The following DAPL1 variants were observed in gnomAD, a reference collection of about 807,000 sequenced individuals.
The protein encoded by DAPL1 is death associated protein like 1.
DAPL1 carries 17 observed loss-of-function variants against 12.9 expected under a neutral mutation model. The observed-to-expected ratio is 1.32, with a 90% confidence interval of 0.90 to 1.98. The LOEUF (loss-of-function observed/expected upper bound fraction) is 1.98, where lower values mean the gene tolerates loss of function less well. Ranked by LOEUF, DAPL1 falls within the 30% of genes most tolerant of loss-of-function variation. DAPL1 has a pLI of 0.00. For missense variants in DAPL1, 157 were observed against 125.7 expected, an observed-to-expected ratio of 1.25 and a Z score of -1.19; for synonymous variants, 51 against 42.0, an observed-to-expected ratio of 1.21 and a Z score of -0.82.
chr2:158,803,871 G>T (rs1363078720), intron 1 of DAPL1, among the ~76,000 whole-genome samples: 2 of 152,128 alleles, frequency 1.3e-5, no homozygotes, highest in African/African-American at 4.8e-5. Context: ...AAAAAAAAAT[G>T]CAAGCCACGC....
chr2:158,809,374 A>AAAAAAAAAAAAAAAAAT (rs2059218575), intron 3 of DAPL1, among the ~76,000 whole-genome samples: 1 of 148,970 alleles, frequency 6.7e-6, no homozygotes, highest in Non-Finnish European at 1.5e-5. Context: ...AAAAAGAAAT[A>AAAAAAAAAAAAAAAAAT]TTTTTAACAG....
chr2:158,814,944 C>T (rs79006969), intron 3 of DAPL1, among the ~76,000 whole-genome samples: 1 of 152,144 alleles, frequency 6.6e-6, no homozygotes. Flanking sequence ...CTAGGAAAAC[C>T]ATGTCTGAAG....
At chr2:158,801,486 C>T (rs2059167676) in intron 1 of DAPL1, among the ~76,000 whole-genome samples, 1 of 152,100 alleles carries the variant, frequency 6.6e-6, no homozygotes, top group South Asian at 2.1e-4. Flanking sequence ...TATTCCATGG[C>T]TATTCAGAAA....
At chr2:158,798,705 G>A (rs992871133) in intron 1 of DAPL1, among the ~76,000 whole-genome samples, 1 of 152,050 alleles carries the variant, frequency 6.6e-6, no homozygotes, top group African/African-American at 2.4e-5. Flanking sequence ...TTACTCTAAA[G>A]CCTTTTCTGT....
At chr2:158,799,721 T>C (rs2059155658) in intron 1 of DAPL1, among the ~76,000 whole-genome samples, 1 of 152,158 alleles carries the variant, frequency 6.6e-6, no homozygotes, top group Admixed American at 6.6e-5. Context: ...GTACAAGAAC[T>C]CTGTTCTGGA....
intron 1 of DAPL1, among the ~76,000 whole-genome samples, chr2:158,797,049 C>T (rs2059138342): frequency 6.6e-6 from 1 of 152,112 alleles, no homozygotes; most frequent in Non-Finnish European, 1.5e-5. Flanking sequence ...ATTTATGGAA[C>T]AAAAACAAGT....
At position 158,807,107 on chromosome 2, in the gene DAPL1, C is replaced by T. The variant is rs749856725; in HGVS notation, c.199C>T (p.Leu67=). 19 of 1,609,498 alleles carry T rather than the reference C, an allele frequency of 1.2e-5. 2 individuals are homozygous for T. In the Middle Eastern group the frequency reaches 2.5e-3, roughly 211 times the overall value. ...GACACTGGATGCCCTGAATGACGCACTGGAGAAGGTGAGCCGTGGGCAAAT... is the reference window on the plus strand; with the variant it reads ...GACACTGGATGCCCTGAATGACGCATTGGAGAAGGTGAGCCGTGGGCAAAT... ...IQTLDALNDA[L]EKLNYKFPAT... The change falls in exon 3 of 4, where the codon CTG becomes TTG. Residue 67 remains leucine (L), a synonymous_variant. Transcript: ENST00000309950.
chr2:158,807,032 A>G (rs1288197276), intron 2 of DAPL1, 23 bp from the exon 3 acceptor site: 1 of 1,609,684 alleles, frequency 6.2e-7, no homozygotes, highest in East Asian at 2.2e-5. Context: ...AGTCCTGTTC[A>G]AAGTTTCTTT....
In DAPL1 at chr2:158,807,103, C is replaced by T. The variant is rs149042644; in HGVS notation, c.195C>T (p.Asp65=). The change falls in exon 3 of 4, where the codon GAC becomes GAT. Residue 65 remains aspartate, a synonymous_variant. Transcript: ENST00000309950. Reference sequence around the variant, plus strand: ...TACAGACACTGGATGCCCTGAATGACGCACTGGAGAAGGTGAGCCGTGGGC... The same window carrying T: ...TACAGACACTGGATGCCCTGAATGATGCACTGGAGAAGGTGAGCCGTGGGC... ...AKIQTLDALN[D]ALEKLNYKFP... 6.1e-5 allele frequency: 98 copies of T among 1,610,492 alleles called. No individual in the cohort carries two copies. The African/African-American group carries it at 1.2e-3, about 19-fold the overall frequency.
intron 3 of DAPL1, among the ~76,000 whole-genome samples, chr2:158,812,600 C>T (rs1053700196): frequency 6.6e-6 from 1 of 152,016 alleles, no homozygotes; most frequent in Non-Finnish European, 1.5e-5. Context: ...TCGAGACCAG[C>T]CTGGGCAACA....
chr2:158,806,868 T>A (rs2059205294), intron 2 of DAPL1, among the ~76,000 whole-genome samples, 187 bp from the exon 3 acceptor site: 1 of 151,554 alleles, frequency 6.6e-6, no homozygotes, highest in Non-Finnish European at 1.5e-5. Context: ...ATAATAATAA[T>A]AATTTGGCCT....
Position 158,795,345 on chromosome 2 carries a change from A to AGAACTG in DAPL1, c.-27_-26insAACTGG. On this transcript the variant is annotated 5_prime_UTR_variant, in exon 1 of 4. Transcript: ENST00000309950. ...GCTGGCATTCAGCCTCCAGAGCACCAGCACTGGCACTGGCACTGGCACACG... is the reference window on the plus strand; with the variant it reads ...GCTGGCATTCAGCCTCCAGAGCACCAGAACTGGCACTGGCACTGGCACTGGCACACG... 6.4e-7 allele frequency: 1 copy of AGAACTG among 1,552,402 alleles called. No homozygotes were observed. Among genetic ancestry groups the AGAACTG allele is most frequent in the Non-Finnish European group, 8.7e-7 (1 of 1,147,352 alleles).
intron 3 of DAPL1, among the ~76,000 whole-genome samples, chr2:158,808,323 T>A (rs570946708): frequency 1.3e-5 from 2 of 152,324 alleles, no homozygotes; most frequent in East Asian, 3.9e-4. Context: ...AAGTTATTTA[T>A]CCTGTGGTTC....
rs189220319 is a variant in DAPL1, at chr2:158,796,338, G to A, written c.58+908G>A. On this transcript the variant is annotated intron_variant, in intron 1 of 3. Coordinates refer to ENST00000309950, the MANE Select transcript of DAPL1 (RefSeq NM_001017920.3). ...AATAATCTTTGCTGCAGAGGGTGAT[G>A]GCGGGTATTGTCTTCACAGAGAGTC... Among the ~76,000 whole-genome samples, 5 of 152,270 alleles carry A rather than the reference G, an allele frequency of 3.3e-5. No homozygotes were observed. The East Asian group carries it at 9.7e-4, about 29-fold the overall frequency.
intron 2 of DAPL1, among the ~76,000 whole-genome samples, chr2:158,805,800 G>T (rs113476029): frequency 6.7e-6 from 1 of 148,808 alleles, no homozygotes; most frequent in African/African-American, 2.4e-5. Flanking sequence ...TCTAATAGTC[G>T]TTAAATGACA....
chr2:158,795,694 A>C lies in DAPL1; in HGVS notation c.58+264A>C, dbSNP rs995071780. Among the ~76,000 whole-genome samples the C allele has an allele frequency of 2.0e-5, 3 of 152,212 alleles. 1 individual carries two copies. The highest frequency in any genetic ancestry group is 4.4e-5 in the Non-Finnish European group (3 of 68,038). ...TTGGGGCTTGTGGAAAGGCATAGGT[A>C]GAGAGGTTGCACCTTTCCTCCCTCG... is the stretch of plus-strand genomic sequence containing the variant. On this transcript the variant is annotated intron_variant, in intron 1 of 3. Coordinates refer to ENST00000309950, the MANE Select transcript of DAPL1 (RefSeq NM_001017920.3).
chr2:158,808,109 G>A (rs934922301), intron 3 of DAPL1, among the ~76,000 whole-genome samples: 3 of 152,148 alleles, frequency 2.0e-5, no homozygotes, highest in African/African-American at 7.2e-5. Flanking sequence ...TTACAGTCAA[G>A]GTAATATAGA....
chr2:158,801,598 T>C (rs2059168389), intron 1 of DAPL1, among the ~76,000 whole-genome samples: 2 of 152,172 alleles, frequency 1.3e-5, no homozygotes, highest in Non-Finnish European at 2.9e-5. Flanking sequence ...ATATATATAA[T>C]TTAAAGCAGA....
chr2:158,809,148 A>T (rs534456772), intron 3 of DAPL1, among the ~76,000 whole-genome samples: 95 of 152,106 alleles, frequency 6.2e-4, no homozygotes, highest in African/African-American at 2.2e-3. Context: ...ATCACAAGTC[A>T]GGAGTTCAAG....
Sources: gnomAD v4.1 joint callset for allele counts (sites outside exome capture counted in the v4.1 genomes callset) on GRCh38, gnomAD v4.1.1 for gene constraint, MANE v1.5 for transcripts, NCBI Gene and HGNC (gene_info 2026-07-23, HGNC 2026-07-21) for gene names.